Variants in RERE observed in about 807,000 individuals in gnomAD.
The protein encoded by RERE is arginine-glutamic acid dipeptide repeats protein.
In RERE, 40 loss-of-function variants were observed where a neutral mutation model predicts 146.1. The observed-to-expected ratio is 0.27, with a 90% CI of 0.21 to 0.36. The LOEUF is 0.36. RERE is among the 10% of genes least tolerant of loss of function. The probability of loss-of-function intolerance (pLI) is 1.00; values close to 1 mark genes in which losing one functional copy is unlikely to be tolerated. For synonymous variants in RERE, 1,003 were observed against 866.0 expected (o/e 1.16, Z -2.78); for missense variants, 1,933 against 2,138.7 (o/e 0.90, Z 1.90).
Position 8,423,769 on chromosome 1 carries a change from A to G in RERE, c.1204-962T>C. 2 of 824,876 alleles carry G rather than the reference A, an allele frequency of 2.4e-6. No homozygotes were observed. The highest frequency in any genetic ancestry group is 2.9e-6 in the Non-Finnish European group (2 of 687,274). 51.1% of individuals were successfully genotyped at this position (824,876 alleles called of 1,614,324 possible). A position where few individuals can be genotyped will look rare whatever the true frequency, so the allele number is the denominator to read the frequency against. Reference sequence around the variant, plus strand: ...GGGCGCGGGGCTGGGGCCGCCGCTGACGGGGGAGGAGGCAGGAGCGCGGCG... The same window carrying G: ...GGGCGCGGGGCTGGGGCCGCCGCTGGCGGGGGAGGAGGCAGGAGCGCGGCG... On this transcript the variant is annotated intron_variant, in intron 11 of 22. Coordinates refer to ENST00000400908, the MANE Select transcript of RERE (RefSeq NM_001042681.2). This position sits in a 1 kb window ranked among gnomAD's most constrained non-coding sequence, Gnocchi z 5.4.
At chr1:8,761,087 C>G (rs1640748224) in intron 1 of RERE, among the ~76,000 whole-genome samples, 1 of 152,142 alleles carries the variant, frequency 6.6e-6, no homozygotes, top group Non-Finnish European at 1.5e-5. Context: ...CAAGCTCAGA[C>G]TCGGAACCAT....
intron 6 of RERE, among the ~76,000 whole-genome samples, chr1:8,545,932 C>T (rs1457363447): frequency 6.7e-6 from 1 of 148,514 alleles, no homozygotes; most frequent in Non-Finnish European, 1.5e-5. Context: ...ATCTGCCTGC[C>T]TCAGCCTCCC....
At chr1:8,553,311 C>T (rs563294102) in intron 6 of RERE, among the ~76,000 whole-genome samples, 64 of 151,356 alleles carry the variant, frequency 4.2e-4, no homozygotes, top group Admixed American at 9.2e-4. Flanking sequence ...TAGGCCGGCA[C>T]GTCCACACAC....
intron 4 of RERE, among the ~76,000 whole-genome samples, chr1:8,604,086 CA>C (rs1226486796): frequency 6.6e-6 from 1 of 152,132 alleles, no homozygotes; most frequent in Non-Finnish European, 1.5e-5. Flanking sequence ...AGAAGTGCTT[CA>C]AAGGAGTATG....
chr1:8,549,096 C>T (rs1328897111), intron 6 of RERE, among the ~76,000 whole-genome samples: 1 of 152,200 alleles, frequency 6.6e-6, no homozygotes, highest in Admixed American at 6.5e-5. Flanking sequence ...CATACACATC[C>T]TAGCTCTGCC....
chr1:8,399,805 T>TA (rs1643185634), intron 12 of RERE, among the ~76,000 whole-genome samples: 4 of 151,834 alleles, frequency 2.6e-5, no homozygotes, highest in African/African-American at 9.7e-5. Context: ...ATGTCTTTTT[T>TA]TAAAAAAAAA....
chr1:8,582,426 T>G (rs554817020), intron 4 of RERE, among the ~76,000 whole-genome samples: 344 of 151,612 alleles, frequency 2.3e-3, no homozygotes, highest in African/African-American at 8.0e-3. Context: ...TTTTTTTTTT[T>G]TTGGGGGGTA....
intron 4 of RERE, among the ~76,000 whole-genome samples, chr1:8,597,277 C>T (rs1200148135): frequency 4.0e-5 from 6 of 151,878 alleles, no homozygotes; most frequent in Non-Finnish European, 5.9e-5. Context: ...TTTATAGTGA[C>T]GGGGTTTTGC....
At chr1:8,469,434 G>C (rs1227903554) in intron 10 of RERE, among the ~76,000 whole-genome samples, 1 of 152,092 alleles carries the variant, frequency 6.6e-6, no homozygotes, top group Non-Finnish European at 1.5e-5. Context: ...CTGGCCAACA[G>C]GGTGAAACCG....
chr1:8,701,326 ACACACTCC>A (rs1371316882), intron 1 of RERE, among the ~76,000 whole-genome samples: 3 of 114,824 alleles, frequency 2.6e-5, no homozygotes, highest in Admixed American at 1.7e-4. Context: ...ACACACACGC[ACACACTCC>A]CTCCCTCCCT....
chr1:8,399,870 A>G (rs181783369), intron 12 of RERE, among the ~76,000 whole-genome samples: 98 of 151,652 alleles, frequency 6.5e-4, no homozygotes, highest in African/African-American at 1.9e-3. Context: ...CTTATAAACT[A>G]TAAGTTTCTG....
chr1:8,548,611 C>T (rs1645895945), intron 6 of RERE, among the ~76,000 whole-genome samples: 1 of 152,068 alleles, frequency 6.6e-6, no homozygotes, highest in African/African-American at 2.4e-5. Flanking sequence ...TAAACAAAAA[C>T]AAGTAAGTAT....
At chr1:8,499,329 C>T (rs909640605) in intron 8 of RERE, among the ~76,000 whole-genome samples, 2 of 152,164 alleles carry the variant, frequency 1.3e-5, no homozygotes, top group Non-Finnish European at 2.9e-5. Context: ...TCACGTTAAA[C>T]AAAATGCCAT....
chr1:8,787,576 C>G (rs979622827), intron 1 of RERE, among the ~76,000 whole-genome samples: 3 of 152,126 alleles, frequency 2.0e-5, no homozygotes, highest in African/African-American at 7.2e-5. Flanking sequence ...CACCTGTAAT[C>G]CCAGCACTTT....
At chr1:8,518,223 A>G (rs993332332) in intron 7 of RERE, among the ~76,000 whole-genome samples, 2 of 152,218 alleles carry the variant, frequency 1.3e-5, no homozygotes, top group Non-Finnish European at 2.9e-5. Flanking sequence ...AGAAGGCACC[A>G]CCATGAAGCA....
intron 1 of RERE, among the ~76,000 whole-genome samples, chr1:8,658,739 G>A (rs556567267): frequency 4.0e-5 from 6 of 149,710 alleles, no homozygotes; most frequent in Middle Eastern, 3.4e-3. Flanking sequence ...CCTGGGCAAC[G>A]AGAGAGACTC....
intron 1 of RERE, among the ~76,000 whole-genome samples, chr1:8,658,696 G>T (rs1227516739): frequency 6.6e-6 from 1 of 151,686 alleles, no homozygotes; most frequent in African/African-American, 2.4e-5. Context: ...GGCAGAGGTT[G>T]CAGTGAGCTG....
chr1:8,386,008 ATATATATATATATATTTTTTT>A (rs1247701423), intron 12 of RERE, among the ~76,000 whole-genome samples: 2 of 41,342 alleles, frequency 4.8e-5, no homozygotes, highest in African/African-American at 9.9e-5. Context: ...ATATATATAT[ATATATATATATATATTTTTTT>A]TTTTTTTTTT....
intron 9 of RERE, among the ~76,000 whole-genome samples, chr1:8,496,046 C>G (rs1369187643): frequency 1.3e-5 from 2 of 151,414 alleles, no homozygotes; most frequent in African/African-American, 4.9e-5. Context: ...GCCTGTAGTC[C>G]TAGCTACTGG....
Sources: allele counts gnomAD v4.1 joint callset (sites outside exome capture counted in the v4.1 genomes callset), GRCh38; gene constraint gnomAD v4.1.1; non-coding constraint Gnocchi (gnomAD v3.1); transcripts MANE v1.5; gene names NCBI Gene and HGNC (gene_info 2026-07-23, HGNC 2026-07-21).